ADAMTS19: variants seen among roughly 807,000 people sequenced by gnomAD.
ADAMTS19 encodes ADAM metallopeptidase with thrombospondin type 1 motif 19.
A neutral mutation model predicts 153.3 loss-of-function variants in ADAMTS19; 93 were observed. That is an observed-to-expected ratio of 0.61 (90% CI 0.51 to 0.72). ADAMTS19 has a LOEUF of 0.72. Ranked by LOEUF, ADAMTS19 falls within the 30% of genes least tolerant of loss-of-function variation. The probability of loss-of-function intolerance (pLI) is 0.00; values close to 1 mark genes in which losing one functional copy is unlikely to be tolerated. For missense variants in ADAMTS19, 1,482 were observed against 1,552.1 expected (o/e 0.95, Z 0.76); for synonymous variants, 600 against 556.6 (o/e 1.08, Z -1.10).
intron 8 of ADAMTS19, among the ~76,000 whole-genome samples, chr5:129,607,554 A>C (rs751021771): frequency 6.6e-6 from 1 of 152,200 alleles, no homozygotes; most frequent in Non-Finnish European, 1.5e-5. Context: ...AATTGTCTTG[A>C]CTAAGTAATA....
At chr5:129,641,129 T>C (rs1218808571) in intron 10 of ADAMTS19, among the ~76,000 whole-genome samples, 2 of 152,250 alleles carry the variant, frequency 1.3e-5, no homozygotes, top group Admixed American at 1.3e-4. Flanking sequence ...GGCCTCTTCA[T>C]ATCTATGTCT....
At chr5:129,714,801 T>G (rs1204965812) in intron 21 of ADAMTS19, among the ~76,000 whole-genome samples, 2 of 152,236 alleles carry the variant, frequency 1.3e-5, no homozygotes, top group East Asian at 3.8e-4. Flanking sequence ...TAAAAAATGT[T>G]TAACAAAAGA....
intron 2 of ADAMTS19, among the ~76,000 whole-genome samples, chr5:129,505,040 C>T (rs1751228255): frequency 6.6e-6 from 1 of 151,952 alleles, no homozygotes; most frequent in Non-Finnish European, 1.5e-5. Context: ...TGAATATATA[C>T]CCAGAAGTGG....
intron 7 of ADAMTS19, among the ~76,000 whole-genome samples, chr5:129,582,061 A>C (rs1358808430): frequency 4.6e-5 from 7 of 151,824 alleles, no homozygotes; most frequent in Non-Finnish European, 1.0e-4. Flanking sequence ...GTTGCTGAGA[A>C]GAATTTATAT....
At chr5:129,472,927 G>A (rs1750115166) in intron 2 of ADAMTS19, among the ~76,000 whole-genome samples, 1 of 151,640 alleles carries the variant, frequency 6.6e-6, no homozygotes, top group Non-Finnish European at 1.5e-5. Flanking sequence ...GCGGATAAAG[G>A]AAGACCGAGG....
intron 8 of ADAMTS19, among the ~76,000 whole-genome samples, chr5:129,597,348 G>A (rs1468449268): frequency 2.0e-5 from 3 of 152,068 alleles, no homozygotes; most frequent in Admixed American, 2.0e-4. Flanking sequence ...CAACAATTTT[G>A]TGATGTGTTA....
At chr5:129,553,638 A>C (rs1753211725) in intron 7 of ADAMTS19, among the ~76,000 whole-genome samples, 1 of 152,116 alleles carries the variant, frequency 6.6e-6, no homozygotes, top group South Asian at 2.1e-4. Flanking sequence ...TTAGGTTGTC[A>C]TCAGCACCTC....
intron 19 of ADAMTS19, among the ~76,000 whole-genome samples, chr5:129,700,699 A>C (rs1045007626): frequency 6.6e-6 from 1 of 152,142 alleles, no homozygotes; most frequent in Non-Finnish European, 1.5e-5. Context: ...AATAAGAATA[A>C]CTCCTGGATA....
intron 2 of ADAMTS19, among the ~76,000 whole-genome samples, chr5:129,464,049 G>T (rs1199435771): frequency 1.3e-5 from 2 of 152,148 alleles, no homozygotes; most frequent in Non-Finnish European, 2.9e-5. Flanking sequence ...TTAAAACATG[G>T]AGAGGATTTC....
At position 129,460,481 on chromosome 5, in the gene ADAMTS19, A is replaced by G. The variant is rs1387877429; in HGVS notation, c.90A>G (p.Ser30=). 1.2e-6 allele frequency: 2 copies of G among 1,614,070 alleles called. No individual in the cohort carries two copies. Among genetic ancestry groups the G allele is most frequent in the Non-Finnish European group, 1.7e-6 (2 of 1,179,974 alleles). ...QLGFLSNGIV[S]ELQFAPDREE... ...GGTTCCTGTCGAATGGGATCGTTTC[A>G]GGTAAGTTCTTCCGTGACTTTCTCG... is the stretch of plus-strand genomic sequence containing the variant. Residue 30 remains serine (S), a splice_region_variant and synonymous_variant, in exon 1 of 23, where the codon TCA becomes TCG. Coordinates refer to ENST00000274487, the MANE Select transcript of ADAMTS19 (RefSeq NM_133638.6).
At chr5:129,547,879 C>T (rs868083881) in intron 6 of ADAMTS19, among the ~76,000 whole-genome samples, 1 of 150,780 alleles carries the variant, frequency 6.6e-6, no homozygotes, top group Non-Finnish European at 1.5e-5. Flanking sequence ...CACATATCTA[C>T]AACTATCTGA....
At chr5:129,702,942 ATAT>A (rs1169134064) in intron 20 of ADAMTS19, among the ~76,000 whole-genome samples, 1,194 of 19,718 alleles carry the variant, frequency 0.061, 41 homozygotes, top group African/African-American at 0.12. Flanking sequence ...AAAAAAAAAA[ATAT>A]ATATATATAT....
intron 10 of ADAMTS19, among the ~76,000 whole-genome samples, chr5:129,632,459 A>G (rs922796448): frequency 6.6e-6 from 1 of 151,992 alleles, no homozygotes; most frequent in Non-Finnish European, 1.5e-5. Context: ...AGGATTAAGA[A>G]TGTAAAAATA....
intron 20 of ADAMTS19, among the ~76,000 whole-genome samples, chr5:129,703,891 T>A (rs533029087): frequency 1.2e-4 from 18 of 152,282 alleles, no homozygotes; most frequent in African/African-American, 4.3e-4. Flanking sequence ...TAAAATGAAT[T>A]TTTTTACATA....
At chr5:129,593,102 G>A (rs1750221210) in intron 7 of ADAMTS19, among the ~76,000 whole-genome samples, 1 of 151,930 alleles carries the variant, frequency 6.6e-6, no homozygotes, top group African/African-American at 2.4e-5. Context: ...TCCAAGAGAG[G>A]CCCCTGTATC....
intron 6 of ADAMTS19, among the ~76,000 whole-genome samples, chr5:129,545,724 A>G (rs1190292819): frequency 6.6e-6 from 1 of 150,938 alleles, no homozygotes; most frequent in Non-Finnish European, 1.5e-5. Context: ...ATCATTAAAA[A>G]GTCAGGCAAC....
chr5:129,464,787 T>C (rs1749798596), intron 2 of ADAMTS19, among the ~76,000 whole-genome samples: 1 of 152,260 alleles, frequency 6.6e-6, no homozygotes, highest in African/African-American at 2.4e-5. Context: ...ATTGTACTTA[T>C]ATATCTAGCA....
At chr5:129,587,375 G>A (rs1187934452) in intron 7 of ADAMTS19, among the ~76,000 whole-genome samples, 2 of 150,538 alleles carry the variant, frequency 1.3e-5, no homozygotes, top group Non-Finnish European at 3.0e-5. Context: ...GCTATATTTG[G>A]TCACTCCTTG....
chr5:129,734,786 T>C, intron 21 of ADAMTS19, 146 bp from the exon 22 acceptor site: 1 of 673,622 alleles, frequency 1.5e-6, no homozygotes, highest in Non-Finnish European at 2.3e-6. Flanking sequence ...TCAATGTTTC[T>C]GACCCATGTT....
Sources: allele counts gnomAD v4.1 joint callset (sites outside exome capture counted in the v4.1 genomes callset), GRCh38; gene constraint gnomAD v4.1.1; transcripts MANE v1.5; gene names NCBI Gene and HGNC (gene_info 2026-07-23, HGNC 2026-07-21).